Variants in LRRC49 observed in about 807,000 individuals in gnomAD.
LRRC49 encodes leucine-rich repeat-containing protein 49.
Under a neutral mutation model 83.3 loss-of-function variants are expected in LRRC49, and 50 were observed. The ratio of observed to expected loss-of-function variants is 0.60; its 90% CI spans 0.48 to 0.76. LRRC49 has a LOEUF of 0.76. Ranked by LOEUF, LRRC49 falls within the 30% of genes least tolerant of loss-of-function variation. LRRC49 has a pLI of 0.00. For missense variants in LRRC49, 704 were observed against 809.1 expected (o/e 0.87, Z 1.58); for synonymous variants, 286 against 283.3 (o/e 1.01, Z -0.10).
At chr15:71,035,515 G>T (rs2039491288) in intron 14 of LRRC49, among the ~76,000 whole-genome samples, 1 of 152,048 alleles carries the variant, frequency 6.6e-6, no homozygotes, top group Admixed American at 6.6e-5. Flanking sequence ...CCCCCTGACA[G>T]GCCCTGGTGT....
At chr15:71,002,184 G>A (rs1489713476) in intron 11 of LRRC49, among the ~76,000 whole-genome samples, 6 of 152,094 alleles carry the variant, frequency 3.9e-5, no homozygotes, top group South Asian at 2.1e-4. Context: ...CTAGTGTTTC[G>A]ATTTGTTTTT....
chr15:70,964,883 A>G (rs562811510), intron 9 of LRRC49, among the ~76,000 whole-genome samples: 247 of 152,204 alleles, frequency 1.6e-3, no homozygotes, highest in Non-Finnish European at 2.7e-3. Context: ...ATTTCTTTGT[A>G]TATTAGCATC....
At chr15:70,972,951 A>C (rs2037065157) in intron 9 of LRRC49, among the ~76,000 whole-genome samples, 1 of 151,860 alleles carries the variant, frequency 6.6e-6, no homozygotes, top group Non-Finnish European at 1.5e-5. Context: ...AGCCTGGAGG[A>C]GTTTGTTACT....
chr15:70,932,220 A>AAT (rs1423715682), intron 7 of LRRC49, among the ~76,000 whole-genome samples: 1 of 152,224 alleles, frequency 6.6e-6, no homozygotes. Context: ...ATAACTGCCA[A>AAT]ATAATGGACT....
rs1415448424 is a variant in LRRC49 at position 71,052,141 on chromosome 15, A to G, written c.*2529A>G. ...GATCAAGTGAGGGTCCTATGTTGTA[A>G]GTGAGTGGTGATCTAGGGAACAAAT... On this transcript the variant is annotated 3_prime_UTR_variant, in exon 16 of 16. Coordinates refer to ENST00000260382, the MANE Select transcript of LRRC49 (RefSeq NM_017691.5). 6.6e-6 allele frequency: 1 copy of G among 152,180 alleles called. No homozygotes were observed. The highest frequency in any genetic ancestry group is 2.4e-5 in the African/African-American group (1 of 41,436). 9.4% of individuals were successfully genotyped at this position (152,180 alleles called of 1,614,324 possible).
intron 15 of LRRC49, among the ~76,000 whole-genome samples, chr15:71,038,468 TTTTCCTTTTCC>T (rs2141300338): frequency 6.6e-6 from 1 of 152,246 alleles, no homozygotes; most frequent in South Asian, 2.1e-4. Context: ...TTGGGTCTTC[TTTTCCTTTTCC>T]TTTCCTTTCC....
At chr15:70,926,614 C>T (rs931147033) in intron 7 of LRRC49, among the ~76,000 whole-genome samples, 4 of 152,000 alleles carry the variant, frequency 2.6e-5, no homozygotes, top group Non-Finnish European at 5.9e-5. Context: ...GTGTGCTGCA[C>T]CCATTAACTT....
chr15:70,871,763 G>A (rs2033047175), intron 1 of LRRC49, among the ~76,000 whole-genome samples: 1 of 151,366 alleles, frequency 6.6e-6, no homozygotes, highest in East Asian at 2.0e-4. Context: ...AGACGGGGCC[G>A]CGGCCGGGCA....
At chr15:70,976,096 G>A (rs865892000) in intron 9 of LRRC49, among the ~76,000 whole-genome samples, 3 of 152,154 alleles carry the variant, frequency 2.0e-5, no homozygotes, top group South Asian at 2.1e-4. Context: ...TGTTCTTTGC[G>A]TGATCAAGAA....
intron 14 of LRRC49, among the ~76,000 whole-genome samples, chr15:71,021,697 C>T (rs924515516): frequency 6.6e-6 from 1 of 152,186 alleles, no homozygotes; most frequent in Non-Finnish European, 1.5e-5. Flanking sequence ...CCTTGGCTCT[C>T]TCACTTGTTT....
chr15:70,890,064 C>T (rs891978975), upstream of LRRC49, among the ~76,000 whole-genome samples: 2 of 152,112 alleles, frequency 1.3e-5, no homozygotes, highest in African/African-American at 4.8e-5. Context: ...AAATGGAAAA[C>T]AGATTTATTA....
intron 14 of LRRC49, among the ~76,000 whole-genome samples, chr15:71,024,223 C>T (rs754750421): frequency 2.0e-5 from 3 of 152,228 alleles, no homozygotes; most frequent in African/African-American, 4.8e-5. Context: ...GGGATTCCTC[C>T]CAGTGCAGTG....
chr15:70,924,455 C>T (rs755814684), intron 7 of LRRC49, among the ~76,000 whole-genome samples: 14 of 151,758 alleles, frequency 9.2e-5, no homozygotes, highest in Non-Finnish European at 1.8e-4. Flanking sequence ...TTAATGCTTA[C>T]TCTTAGCATT....
intron 1 of LRRC49, among the ~76,000 whole-genome samples, chr15:70,862,577 C>CAAAA (rs10623501): frequency 2.9e-4 from 18 of 61,650 alleles, no homozygotes; most frequent in Admixed American, 4.5e-4. Flanking sequence ...GACTCCGTCT[C>CAAAA]AAAAAAAAAA....
rs778933768 is a variant in LRRC49 at position 70,963,831 on chromosome 15, A to G, written c.820A>G (p.Ile274Val). ...CLADSSSLSD[I>V]TFDGNPIAQE... Reference sequence around the variant, plus strand: ...TGCTGACTCTTCTTCCCTCTCGGACATCACCTTTGATGGCAATCCCATAGC... The same window carrying G: ...TGCTGACTCTTCTTCCCTCTCGGACGTCACCTTTGATGGCAATCCCATAGC... Residue 274 changes from isoleucine (I) to valine (V), a missense_variant, in exon 9 of 16, where the codon ATC becomes GTC. Transcript: ENST00000260382. 6.2e-7 allele frequency: 1 copy of G among 1,613,602 alleles called. No homozygotes were observed. The highest frequency in any genetic ancestry group is 8.5e-7 in the Non-Finnish European group (1 of 1,179,716).
chr15:70,993,094 G>A (rs1048484100), intron 11 of LRRC49, among the ~76,000 whole-genome samples: 4 of 152,310 alleles, frequency 2.6e-5, no homozygotes, highest in African/African-American at 7.2e-5. Flanking sequence ...GTGCCCCTCC[G>A]CAAGCCTCGC....
intron 1 of LRRC49, among the ~76,000 whole-genome samples, chr15:70,872,448 G>A (rs559138152): frequency 6.6e-6 from 1 of 152,158 alleles, no homozygotes; most frequent in Non-Finnish European, 1.5e-5. Context: ...GGGGGAGGGA[G>A]AGGTACTTAG....
At chr15:70,856,578 C>T (rs1417578673) in intron 1 of LRRC49, among the ~76,000 whole-genome samples, 2 of 152,118 alleles carry the variant, frequency 1.3e-5, no homozygotes, top group African/African-American at 2.4e-5. Flanking sequence ...AAAACTTGCA[C>T]GGAATGTTTA....
chr15:70,989,270 A>G (rs972227283), intron 11 of LRRC49, among the ~76,000 whole-genome samples: 57 of 152,198 alleles, frequency 3.7e-4, no homozygotes, highest in Non-Finnish European at 6.3e-4. Flanking sequence ...ACTTTCAGGT[A>G]CACCAATCAG....
Sources: gnomAD v4.1 joint callset for allele counts (sites outside exome capture counted in the v4.1 genomes callset) on GRCh38, gnomAD v4.1.1 for gene constraint, MANE v1.5 for transcripts, NCBI Gene and HGNC (gene_info 2026-07-23, HGNC 2026-07-21) for gene names.